Variants in XRN2 observed in about 807,000 individuals in gnomAD.
XRN2 encodes the protein 5'-3' exoribonuclease 2.
Under a neutral mutation model 138.5 loss-of-function variants are expected in XRN2, and 44 were observed. The ratio of observed to expected loss-of-function variants is 0.32; its 90% CI spans 0.25 to 0.41. The LOEUF (loss-of-function observed/expected upper bound fraction) is 0.41. Among genes scored for constraint, XRN2 ranks in the 10% least tolerant of loss-of-function variants. The pLI is 1.00. For missense variants in XRN2, 937 were observed against 1,169.3 expected (o/e 0.80, Z 2.90); for synonymous variants, 354 against 369.4 (o/e 0.96, Z 0.48).
chr20:21,351,041 A>C (rs141819202), intron 20 of XRN2, among the ~76,000 whole-genome samples: 1 of 152,200 alleles, frequency 6.6e-6, no homozygotes, highest in Admixed American at 6.5e-5. Context: ...TTAAGAAGCA[A>C]ATATATTTTT....
At chr20:21,319,695 A>G (rs1292078716) in intron 1 of XRN2, among the ~76,000 whole-genome samples, 1 of 152,116 alleles carries the variant, frequency 6.6e-6, no homozygotes, top group Non-Finnish European at 1.5e-5. Flanking sequence ...TTACTGCTAT[A>G]TAGTTCAGTT....
At position 21,306,005 on chromosome 20, in the gene XRN2, C is replaced by T. The variant is rs1280585403; in HGVS notation, c.75+2532C>T. Reference sequence around the variant, plus strand: ...GACCTTCTGATCCGCCTGCCTTGGCCTCCTTATTCTTAATTCTTAAGAAAT... The same window carrying T: ...GACCTTCTGATCCGCCTGCCTTGGCTTCCTTATTCTTAATTCTTAAGAAAT... On this transcript the variant is annotated intron_variant, in intron 1 of 29. Coordinates refer to ENST00000377191, the MANE Select transcript of XRN2 (RefSeq NM_012255.5). Among the ~76,000 whole-genome samples the T allele has an allele frequency of 2.7e-5, 2 of 74,456 alleles. 1 individual carries two copies. Among genetic ancestry groups the T allele is most frequent in the African/African-American group, 7.4e-5 (2 of 27,178 alleles). The allele number at this position is 74,456 out of a possible 152,430, so 48.8% of individuals were successfully genotyped here. A position where few individuals can be genotyped will look rare whatever the true frequency, so the allele number is the denominator to read the frequency against.
At chr20:21,387,260 T>A (rs1487946015) in intron 29 of XRN2, among the ~76,000 whole-genome samples, 2 of 152,196 alleles carry the variant, frequency 1.3e-5, no homozygotes, top group Non-Finnish European at 2.9e-5. Context: ...TCAGTGATAA[T>A]TAGTCCAAGT....
At chr20:21,319,255 T>G (rs1331772116) in intron 1 of XRN2, among the ~76,000 whole-genome samples, 2 of 152,158 alleles carry the variant, frequency 1.3e-5, no homozygotes, top group Admixed American at 6.5e-5. Flanking sequence ...TCCATTTACT[T>G]TTACTCTTTT....
chr20:21,338,190 T>C (rs569002184), intron 13 of XRN2, among the ~76,000 whole-genome samples: 49 of 152,324 alleles, frequency 3.2e-4, no homozygotes, highest in Middle Eastern at 3.4e-3. Context: ...TAGGATCCAC[T>C]GGCCCCTGTT....
rs2038685183 is a variant in XRN2 at position 21,365,711 on chromosome 20, T to G, written c.2456+7T>G. On this transcript the variant is annotated splice_region_variant and intron_variant, in intron 26 of 29. Transcript: ENST00000377191. ...CAGCCTTCAGGACTTTGGGGTGAGT[T>G]GTCAGTTTTTAGCCCTTGTATATTT... 1 of 1,606,560 alleles carries G rather than the reference T, an allele frequency of 6.2e-7. No individual in the cohort carries two copies. Among genetic ancestry groups the G allele is most frequent in the Admixed American group, 1.7e-5 (1 of 58,636 alleles).
At chr20:21,371,596 C>G (rs548277249) in intron 27 of XRN2, among the ~76,000 whole-genome samples, 7 of 152,356 alleles carry the variant, frequency 4.6e-5, no homozygotes, top group Non-Finnish European at 1.0e-4. Context: ...TTTGAAGGAG[C>G]TATCTTTGCC....
chr20:21,348,219 A>G lies in XRN2; in HGVS notation c.1739A>G (p.Asp580Gly), dbSNP rs1363949767. The change falls in exon 18 of 30, where the codon GAC becomes GGC. Residue 580 changes from aspartate (D) to glycine (G), a missense_variant. Transcript: ENST00000377191. ...GCTTCAGACTTTGAAGGCATTGCAGACATGCCATCTGATTTTGAGAAGGGT... is the reference window on the plus strand; with the variant it reads ...GCTTCAGACTTTGAAGGCATTGCAGGCATGCCATCTGATTTTGAGAAGGGT... The part of the protein sequence containing the change: ...PFASDFEGIA[D>G]MPSDFEKGTK... 2 of 1,613,946 alleles carry G rather than the reference A, an allele frequency of 1.2e-6. No individual in the cohort carries two copies. The highest frequency in any genetic ancestry group is 1.7e-6 in the Non-Finnish European group (2 of 1,179,982).
At chr20:21,341,996 A>G (rs2038378508) in intron 15 of XRN2, among the ~76,000 whole-genome samples, 2 of 152,182 alleles carry the variant, frequency 1.3e-5, no homozygotes, top group African/African-American at 4.8e-5. Flanking sequence ...CCATAGGAGT[A>G]GTAATGGGGA....
intron 9 of XRN2, among the ~76,000 whole-genome samples, chr20:21,333,193 A>G (rs2038238510): frequency 6.6e-6 from 1 of 152,200 alleles, no homozygotes; most frequent in South Asian, 2.1e-4. Flanking sequence ...CAGTTGGCAA[A>G]CTTCAATCCT....
At chr20:21,341,361 C>T (rs2038370030) in intron 15 of XRN2, among the ~76,000 whole-genome samples, 1 of 152,182 alleles carries the variant, frequency 6.6e-6, no homozygotes. Context: ...AACTCTGGCT[C>T]TCCAATTCAG....
intron 13 of XRN2, 68 bp from the exon 14 acceptor site, chr20:21,338,976 C>A: frequency 1.4e-6 from 2 of 1,450,428 alleles, no homozygotes; most frequent in Non-Finnish European, 9.6e-7. Context: ...CAAATCATTC[C>A]TGGTAATGCT....
intron 29 of XRN2, 35 bp from the exon 30 acceptor site, chr20:21,389,238 C>G (rs2038964701): frequency 6.3e-7 from 1 of 1,586,338 alleles, no homozygotes; most frequent in African/African-American, 1.4e-5. Context: ...GAGTATCGGT[C>G]CAGAAAATAA....
chr20:21,331,066 C>T (rs1206435450), intron 6 of XRN2, among the ~76,000 whole-genome samples: 1 of 151,968 alleles, frequency 6.6e-6, no homozygotes, highest in Non-Finnish European at 1.5e-5. Flanking sequence ...TGGCTGTGTT[C>T]CCAAATATTT....
chr20:21,344,584 T>G (rs202847), intron 16 of XRN2, among the ~76,000 whole-genome samples: 20,936 of 152,238 alleles, frequency 0.14, 1,786 homozygotes, highest in Non-Finnish European at 0.19. Flanking sequence ...TCAGTTATAC[T>G]TAGACACTTA....
intron 1 of XRN2, among the ~76,000 whole-genome samples, chr20:21,313,099 G>A (rs1033446665): frequency 3.3e-5 from 5 of 152,240 alleles, no homozygotes; most frequent in Admixed American, 1.3e-4. Flanking sequence ...GCTGCGATTG[G>A]CGGAGACTCT....
intron 1 of XRN2, 125 bp from the exon 2 acceptor site, chr20:21,326,154 T>C (rs1269499049): frequency 7.4e-6 from 7 of 946,720 alleles, no homozygotes; most frequent in Non-Finnish European, 1.1e-5. Flanking sequence ...CTTATTATAA[T>C]TTAAAGGTTA....
Position 21,338,731 on chromosome 20 carries a change from T to C in XRN2, c.1234-313T>C, listed in dbSNP as rs181844618. Among the ~76,000 whole-genome samples the C allele has an allele frequency of 3.2e-3, 487 of 152,336 alleles. 2 individuals are homozygous for C. Among genetic ancestry groups the C allele is most frequent in the African/African-American group, 0.011 (470 of 41,570 alleles). ...TTAACTTACTTGTATCTTCTCCATA[T>C]TGACAGCCTGTTTGCTCCAGGATAA... On this transcript the variant is annotated intron_variant, in intron 13 of 29. Transcript: ENST00000377191.
chr20:21,312,296 A>AT (rs1410418163), intron 1 of XRN2, among the ~76,000 whole-genome samples: 17 of 149,958 alleles, frequency 1.1e-4, no homozygotes, highest in South Asian at 4.2e-4. Context: ...GTATTTATTT[A>AT]TTTTTTTTTA....
Sources: gnomAD v4.1 joint callset for allele counts (sites outside exome capture counted in the v4.1 genomes callset) on GRCh38, gnomAD v4.1.1 for gene constraint, MANE v1.5 for transcripts, NCBI Gene and HGNC (gene_info 2026-07-23, HGNC 2026-07-21) for gene names.